Variants in ST8SIA1 observed in about 807,000 individuals in gnomAD.
ST8SIA1 encodes alpha-N-acetylneuraminide alpha-2,8-sialyltransferase.
In ST8SIA1, 16 loss-of-function variants were observed where a neutral mutation model predicts 35.9. That is an observed-to-expected ratio of 0.45 (90% CI 0.30 to 0.68). The LOEUF is 0.68. Among genes scored for constraint, ST8SIA1 ranks in the 30% least tolerant of loss-of-function variants. The pLI is 0.09. For missense variants in ST8SIA1, 383 were observed against 453.6 expected (o/e 0.84, Z 1.41); for synonymous variants, 170 against 169.6 (o/e 1.00, Z -0.02).
chr12:22,292,644 G>A (rs1216847342), intron 1 of ST8SIA1, among the ~76,000 whole-genome samples: 3 of 152,158 alleles, frequency 2.0e-5, no homozygotes, highest in Non-Finnish European at 2.9e-5. Flanking sequence ...GTTAATGGAT[G>A]AACAGAAAAC....
At chr12:22,211,651 G>A (rs1176893879) in intron 4 of ST8SIA1, among the ~76,000 whole-genome samples, 2 of 152,170 alleles carry the variant, frequency 1.3e-5, no homozygotes, top group African/African-American at 4.8e-5. Flanking sequence ...CTTTTAAAAG[G>A]TTAGGGTCTT....
chr12:22,204,194 A>G (rs918431618), intron 4 of ST8SIA1, among the ~76,000 whole-genome samples: 4 of 152,016 alleles, frequency 2.6e-5, no homozygotes, highest in East Asian at 1.9e-4. Flanking sequence ...AAAAAAATCA[A>G]CCTCTCCATC....
chr12:22,210,704 C>T (rs1049156983), intron 4 of ST8SIA1, among the ~76,000 whole-genome samples: 2 of 152,208 alleles, frequency 1.3e-5, no homozygotes, highest in Admixed American at 6.5e-5. Flanking sequence ...CTCAGGCAAA[C>T]GTTCACATTT....
chr12:22,261,953 G>A (rs770875980), intron 2 of ST8SIA1, among the ~76,000 whole-genome samples: 3 of 152,160 alleles, frequency 2.0e-5, no homozygotes, highest in African/African-American at 7.2e-5. Context: ...CAGCTTACAC[G>A]CTAAATAGAA....
chr12:22,270,662 G>A (rs1012443570), intron 2 of ST8SIA1, among the ~76,000 whole-genome samples: 1 of 152,270 alleles, frequency 6.6e-6, no homozygotes, highest in East Asian at 1.9e-4. Flanking sequence ...AAAGGTAAAG[G>A]GGTGAAAGGG....
At chr12:22,252,649 AG>A (rs967205692) in intron 3 of ST8SIA1, among the ~76,000 whole-genome samples, 145 of 152,336 alleles carry the variant, frequency 9.5e-4, no homozygotes, top group Middle Eastern at 3.4e-3. Context: ...ATACTGTGCC[AG>A]GCACTCTAAT....
At chr12:22,240,115 A>G (rs894252472) in intron 4 of ST8SIA1, among the ~76,000 whole-genome samples, 3 of 152,160 alleles carry the variant, frequency 2.0e-5, no homozygotes, top group Non-Finnish European at 4.4e-5. Context: ...GCTAATTTGG[A>G]TATCAGTCAG....
chr12:22,285,079 C>G (rs1866082021), intron 2 of ST8SIA1, among the ~76,000 whole-genome samples: 1 of 152,242 alleles, frequency 6.6e-6, no homozygotes, highest in South Asian at 2.1e-4. Context: ...TGCTTAACCT[C>G]TGTACCACTC....
rs138888126 is a variant in ST8SIA1, at chr12:22,282,765, C to T, written c.381+4384G>A. ...CCTAACAATAGAACCTAACAAAAGTCCAGCAAAGATCCATCCCCACCAGAC... is the reference window on the plus strand; with the variant it reads ...CCTAACAATAGAACCTAACAAAAGTTCAGCAAAGATCCATCCCCACCAGAC... On this transcript the variant is annotated intron_variant, in intron 2 of 4. Transcript: ENST00000396037. Among the ~76,000 whole-genome samples the T allele has an allele frequency of 2.8e-3, 424 of 152,244 alleles. 3 individuals carry two copies. Among genetic ancestry groups the T allele is most frequent in the African/African-American group, 1.0e-2 (415 of 41,522 alleles).
intron 3 of ST8SIA1, 36 bp from the exon 4 acceptor site, chr12:22,249,134 G>A (rs1312309114): frequency 1.4e-6 from 2 of 1,389,530 alleles, no homozygotes; most frequent in Admixed American, 3.4e-5. Context: ...GGAACAATTT[G>A]CATAGTTTTA....
rs560197131 is a variant in ST8SIA1, at chr12:22,329,996, T to C, written c.236+4001A>G. The stretch of plus-strand genomic sequence containing the variant: ...TACCTTAAATACATTCAAAGACTCC[T>C]GGCTTCGTCCTACCACCCAGCCCAC... On this transcript the variant is annotated intron_variant, in intron 1 of 4. Coordinates refer to ENST00000396037, the MANE Select transcript of ST8SIA1 (RefSeq NM_003034.4). 5.3e-5 allele frequency among the ~76,000 whole-genome samples: 8 copies of C among 152,340 alleles called. No individual in the cohort carries two copies. In the South Asian group the frequency reaches 1.0e-3, roughly 20 times the overall value.
At chr12:22,326,876 T>C (rs1436017701) in intron 1 of ST8SIA1, among the ~76,000 whole-genome samples, 1 of 152,144 alleles carries the variant, frequency 6.6e-6, no homozygotes, top group Non-Finnish European at 1.5e-5. Flanking sequence ...ATCAAATCCA[T>C]CATGAAGAGT....
chr12:22,260,479 T>C (rs1288729716), intron 2 of ST8SIA1, among the ~76,000 whole-genome samples: 1 of 152,190 alleles, frequency 6.6e-6, no homozygotes, highest in Admixed American at 6.5e-5. Flanking sequence ...CTATTCTTGC[T>C]CAGCCACTAA....
intron 1 of ST8SIA1, among the ~76,000 whole-genome samples, chr12:22,322,898 T>C (rs555174217): frequency 1.3e-5 from 2 of 152,352 alleles, no homozygotes; most frequent in African/African-American, 4.8e-5. Context: ...TGAAACATAG[T>C]ATTTCTATTT....
intron 4 of ST8SIA1, among the ~76,000 whole-genome samples, chr12:22,232,134 G>A (rs912578964): frequency 1.2e-4 from 19 of 152,086 alleles, no homozygotes; most frequent in African/African-American, 4.1e-4. Flanking sequence ...AGGGGGAAAC[G>A]TGATTTGTAA....
chr12:22,269,301 G>C (rs890337996), intron 2 of ST8SIA1, among the ~76,000 whole-genome samples: 1 of 151,582 alleles, frequency 6.6e-6, no homozygotes, highest in African/African-American at 2.4e-5. Context: ...AACTGACAAA[G>C]AGAAGTCCAA....
intron 2 of ST8SIA1, among the ~76,000 whole-genome samples, chr12:22,280,022 C>T (rs1248195148): frequency 5.3e-5 from 8 of 152,282 alleles, no homozygotes; most frequent in East Asian, 1.9e-4. Flanking sequence ...ACTCTGAAAA[C>T]GTTCTCTGTG....
At position 22,326,076 on chromosome 12, in the gene ST8SIA1, A is replaced by G. The variant is rs112453695; in HGVS notation, c.236+7921T>C. 2,712 of 478,490 alleles carry G rather than the reference A, an allele frequency of 5.7e-3. 66 individuals carry two copies. Among genetic ancestry groups the G allele is most frequent in the African/African-American group, 0.049 (2,432 of 50,022 alleles). The allele number at this position is 478,490 out of a possible 1,614,324, so 29.6% of individuals were successfully genotyped here. ...CCATTTAATATTTTTGGACCAAATT[A>G]ACCATAGACAACTGAAGCCATGGAA... On this transcript the variant is annotated intron_variant, in intron 1 of 4. Transcript: ENST00000396037.
At chr12:22,221,965 T>C (rs2120664698) in intron 4 of ST8SIA1, among the ~76,000 whole-genome samples, 1 of 152,218 alleles carries the variant, frequency 6.6e-6, no homozygotes, top group Middle Eastern at 3.4e-3. Flanking sequence ...TCACCCATTT[T>C]CAAAAATGGA....
Sources: allele counts gnomAD v4.1 joint callset (sites outside exome capture counted in the v4.1 genomes callset), GRCh38; gene constraint gnomAD v4.1.1; transcripts MANE v1.5; gene names NCBI Gene and HGNC (gene_info 2026-07-23, HGNC 2026-07-21).